The following LANCL1 variants were observed in gnomAD, a reference collection of about 807,000 sequenced individuals.
LANCL1 encodes glutathione S-transferase LANCL1.
In LANCL1, 50 loss-of-function variants were observed where a neutral mutation model predicts 50.6. The observed-to-expected ratio is 0.99, with a 90% confidence interval of 0.79 to 1.25. The LOEUF (loss-of-function observed/expected upper bound fraction) is 1.25. Among genes scored for constraint, LANCL1 ranks in the 50% most tolerant of loss-of-function variants. LANCL1 has a pLI of 0.00. For missense variants in LANCL1, 532 were observed against 480.7 expected (o/e 1.11, Z -1.00); for synonymous variants, 188 against 178.6 (o/e 1.05, Z -0.42).
In LANCL1 at chr2:210,441,516, T is replaced by C. The variant is rs573755281; in HGVS notation, c.408-73A>G. On this transcript the variant is annotated intron_variant, in intron 4 of 9. Coordinates refer to ENST00000450366, the MANE Select transcript of LANCL1 (RefSeq NM_006055.3). ...TTGGTGTATACTTAAAAATGGTACATTGAAAAAAATATACATGCACACAAA... is the reference window on the plus strand; with the variant it reads ...TTGGTGTATACTTAAAAATGGTACACTGAAAAAAATATACATGCACACAAA... The C allele has an allele frequency of 4.0e-5, 51 of 1,268,668 alleles. 1 individual carries two copies. In the African/African-American group the frequency reaches 6.7e-4, roughly 17 times the overall value. 78.6% of individuals were successfully genotyped at this position (1,268,668 alleles called of 1,614,324 possible).
At chr2:210,474,896 G>GC (rs2105931517) in intron 2 of LANCL1, among the ~76,000 whole-genome samples, 1 of 152,208 alleles carries the variant, frequency 6.6e-6, no homozygotes, top group South Asian at 2.1e-4. Context: ...TCCTCCTCCC[G>GC]CAAGACAAGA....
At chr2:210,459,285 A>G (rs1574433119) in intron 3 of LANCL1, among the ~76,000 whole-genome samples, 2 of 152,038 alleles carry the variant, frequency 1.3e-5, no homozygotes, top group East Asian at 3.9e-4. Context: ...CTATATACAA[A>G]AGTCAACTCA....
intron 2 of LANCL1, among the ~76,000 whole-genome samples, chr2:210,475,977 G>A (rs1486030406): frequency 1.3e-5 from 2 of 152,118 alleles, no homozygotes; most frequent in Non-Finnish European, 2.9e-5. Context: ...CACGGCACAT[G>A]TGAATACCGT....
intron 3 of LANCL1, among the ~76,000 whole-genome samples, chr2:210,465,030 A>C (rs1694004665): frequency 6.6e-6 from 1 of 152,130 alleles, no homozygotes. Flanking sequence ...ACCTGCAGTC[A>C]AGAGAGATGT....
intron 5 of LANCL1, 128 bp downstream of exon 5, chr2:210,441,180 C>T: frequency 1.1e-6 from 1 of 944,718 alleles, no homozygotes; most frequent in South Asian, 1.9e-5. Flanking sequence ...TGTGCCCAAC[C>T]TTTAGAGGTC....
intron 3 of LANCL1, among the ~76,000 whole-genome samples, chr2:210,465,648 T>C (rs970413303): frequency 6.6e-6 from 1 of 152,164 alleles, no homozygotes; most frequent in African/African-American, 2.4e-5. Context: ...ATACGGCAAC[T>C]AGAAGCAAAA....
chr2:210,438,760 T>C (rs912820745), intron 6 of LANCL1, among the ~76,000 whole-genome samples: 1 of 152,222 alleles, frequency 6.6e-6, no homozygotes. Flanking sequence ...CCACATTATT[T>C]TGACATAACA....
chr2:210,472,692 C>T (rs1694258960), intron 2 of LANCL1, among the ~76,000 whole-genome samples: 1 of 152,192 alleles, frequency 6.6e-6, no homozygotes, highest in Non-Finnish European at 1.5e-5. Flanking sequence ...CTGTCTACAT[C>T]CTTACCCGCT....
intron 4 of LANCL1, among the ~76,000 whole-genome samples, chr2:210,453,027 C>T (rs927038896): frequency 6.6e-6 from 1 of 151,934 alleles, no homozygotes; most frequent in South Asian, 2.1e-4. Flanking sequence ...AAGCAAACTC[C>T]GTAACTTACA....
chr2:210,474,079 A>C (rs552008277), intron 2 of LANCL1, among the ~76,000 whole-genome samples: 1 of 152,362 alleles, frequency 6.6e-6, no homozygotes, highest in South Asian at 2.1e-4. Flanking sequence ...CACATTCTGC[A>C]TTTAATAAAG....
chr2:210,441,889 C>G (rs761939108), intron 4 of LANCL1, among the ~76,000 whole-genome samples: 2 of 151,118 alleles, frequency 1.3e-5, no homozygotes, highest in African/African-American at 4.9e-5. Flanking sequence ...TCATCTATCA[C>G]AGTCAATAAT....
chr2:210,431,925 C>A lies in LANCL1; in HGVS notation c.*2562G>T, dbSNP rs1022602990. On this transcript the variant is annotated 3_prime_UTR_variant, in exon 10 of 10. Coordinates refer to ENST00000450366, the MANE Select transcript of LANCL1 (RefSeq NM_006055.3). ...TTACTATAGAAACAGAAACATGTGACAGGATAAATGAACACTGCTTGATGA... is the reference window on the plus strand; with the variant it reads ...TTACTATAGAAACAGAAACATGTGAAAGGATAAATGAACACTGCTTGATGA... 6.6e-6 allele frequency: 1 copy of A among 152,170 alleles called. No individual in the cohort carries two copies. Among genetic ancestry groups the A allele is most frequent in the African/African-American group, 2.4e-5 (1 of 41,442 alleles). The allele number at this position is 152,170 out of a possible 1,614,324, so 9.4% of individuals were successfully genotyped here. A position where few individuals can be genotyped will look rare whatever the true frequency, so the allele number is the denominator to read the frequency against.
At chr2:210,468,318 C>T (rs1048160691) in intron 3 of LANCL1, 1 of 151,956 alleles carries the variant, frequency 6.6e-6, no homozygotes, top group African/African-American at 2.4e-5. Context: ...TTTATCCCCC[C>T]AAAAATCCCC....
intron 3 of LANCL1, among the ~76,000 whole-genome samples, chr2:210,460,118 T>C (rs1693804838): frequency 6.6e-6 from 1 of 152,224 alleles, no homozygotes; most frequent in African/African-American, 2.4e-5. Flanking sequence ...AAAATACTTT[T>C]CTGCGATTTT....
At chr2:210,461,256 C>T (rs991071043) in intron 3 of LANCL1, among the ~76,000 whole-genome samples, 2 of 152,054 alleles carry the variant, frequency 1.3e-5, no homozygotes, top group Middle Eastern at 3.4e-3. Flanking sequence ...CTAATGAATC[C>T]AGCGTAAATC....
intron 2 of LANCL1, 76 bp downstream of exon 2, chr2:210,476,236 ACTCT>A: frequency 1.1e-6 from 1 of 946,074 alleles, no homozygotes; most frequent in East Asian, 2.5e-5. Context: ...GGGATGCTCA[ACTCT>A]CTCAGGCAAA....
At chr2:210,476,200 C>T in intron 2 of LANCL1, 116 bp downstream of exon 2, 1 of 592,692 alleles carries the variant, frequency 1.7e-6, no homozygotes, top group Non-Finnish European at 3.0e-6. Context: ...ACGTATTTAT[C>T]GTCGAATCAT....
intron 3 of LANCL1, among the ~76,000 whole-genome samples, chr2:210,466,812 T>C (rs1694077138): frequency 6.6e-6 from 1 of 152,090 alleles, no homozygotes; most frequent in African/African-American, 2.4e-5. Flanking sequence ...GATGCCATCG[T>C]TGATACAGTA....
At chr2:210,458,985 T>C (rs1157593145) in intron 3 of LANCL1, among the ~76,000 whole-genome samples, 1 of 152,114 alleles carries the variant, frequency 6.6e-6, no homozygotes, top group Non-Finnish European at 1.5e-5. Flanking sequence ...GCCAAGTGTA[T>C]TCTTGGGCTT....
Sources: gnomAD v4.1 joint callset for allele counts (sites outside exome capture counted in the v4.1 genomes callset) on GRCh38, gnomAD v4.1.1 for gene constraint, MANE v1.5 for transcripts, NCBI Gene and HGNC (gene_info 2026-07-23, HGNC 2026-07-21) for gene names.